The following PCDH11X variants were observed in gnomAD, a reference collection of about 807,000 sequenced individuals.
PCDH11X encodes the protein protocadherin 11 X-linked.
In PCDH11X, 18 loss-of-function variants were observed where a neutral mutation model predicts 53.3. That is an observed-to-expected ratio of 0.34 (90% CI 0.23 to 0.50). The LOEUF (loss-of-function observed/expected upper bound fraction) is 0.50, where lower values mean the gene tolerates loss of function less well. Ranked by LOEUF, PCDH11X falls within the 20% of genes least tolerant of loss-of-function variation. The pLI, the probability that PCDH11X is intolerant of heterozygous loss-of-function variation, is 0.98. For missense variants in PCDH11X, 570 were observed against 1,032.4 expected, an observed-to-expected ratio of 0.55 and a Z score of 6.14; for synonymous variants, 279 against 393.3, an observed-to-expected ratio of 0.71 and a Z score of 3.44.
chrX:92,535,492 A>C (rs2074641364), intron 10 of PCDH11X, among the ~76,000 whole-genome samples: 1 of 110,891 alleles, frequency 9.0e-6, no homozygotes, highest in Non-Finnish European at 1.9e-5. Context: ...AGACATATAG[A>C]GGGGAAAAAC....
intron 6 of PCDH11X, among the ~76,000 whole-genome samples, chrX:92,165,561 G>A (rs983354593): frequency 6.3e-5 from 7 of 111,707 alleles, no homozygotes; most frequent in Non-Finnish European, 1.3e-4. Context: ...GAGGTCGTTG[G>A]CTTTGTTGTA....
intron 8 of PCDH11X, among the ~76,000 whole-genome samples, chrX:92,328,531 A>C (rs1377379969): frequency 1.8e-5 from 2 of 110,759 alleles, no homozygotes; most frequent in Non-Finnish European, 3.8e-5. Context: ...TGAGAAAATT[A>C]ATAACATTGG....
intron 6 of PCDH11X, among the ~76,000 whole-genome samples, chrX:91,999,021 C>T (rs912252698): frequency 5.5e-5 from 6 of 110,056 alleles, no homozygotes; most frequent in Admixed American, 3.9e-4. Context: ...TCAAAGGATC[C>T]TCCCACCTCA....
At chrX:92,503,904 C>A (rs2074005237) in intron 10 of PCDH11X, among the ~76,000 whole-genome samples, 1 of 106,420 alleles carries the variant, frequency 9.4e-6, no homozygotes, top group Admixed American at 1.0e-4. Context: ...AAGAGTATGA[C>A]CATGAGGTGG....
chrX:92,462,043 A>T (rs1247120520), intron 9 of PCDH11X, among the ~76,000 whole-genome samples: 7 of 112,118 alleles, frequency 6.2e-5, no homozygotes, highest in Admixed American at 3.8e-4. Flanking sequence ...GCAAATTTTT[A>T]AATTAGTTTG....
intron 7 of PCDH11X, among the ~76,000 whole-genome samples, chrX:92,219,186 G>C (rs1436656260): frequency 9.0e-6 from 1 of 110,820 alleles, no homozygotes; most frequent in African/African-American, 3.3e-5. Flanking sequence ...AGTGTTGGAA[G>C]TTCTGGCTAG....
chrX:91,888,218 T>A (rs2147758349), intron 6 of PCDH11X, among the ~76,000 whole-genome samples: 1 of 112,201 alleles, frequency 8.9e-6, no homozygotes, highest in Admixed American at 9.5e-5. Flanking sequence ...ATTGACATAA[T>A]AATGAAAATG....
At chrX:91,967,631 G>T (rs772592293) in intron 6 of PCDH11X, among the ~76,000 whole-genome samples, 2 of 109,923 alleles carry the variant, frequency 1.8e-5, no homozygotes, top group East Asian at 5.8e-4. Context: ...GAGATAAGCA[G>T]AAATATTTCC....
At chrX:91,990,770 T>C (rs2062308939) in intron 6 of PCDH11X, among the ~76,000 whole-genome samples, 1 of 103,759 alleles carries the variant, frequency 9.6e-6, no homozygotes, top group Admixed American at 1.0e-4. Context: ...AGGCCTCTGC[T>C]GTTATCTGTT....
At chrX:92,341,526 C>T (rs2069758897) in intron 8 of PCDH11X, among the ~76,000 whole-genome samples, 1 of 111,412 alleles carries the variant, frequency 9.0e-6, no homozygotes, top group Admixed American at 9.6e-5. Context: ...ATCTGTTCAG[C>T]TTTTGGGGAG....
chrX:92,251,297 A>T (rs2067457225), intron 7 of PCDH11X, among the ~76,000 whole-genome samples: 1 of 111,027 alleles, frequency 9.0e-6, no homozygotes, highest in African/African-American at 3.3e-5. Flanking sequence ...CCAATTATGT[A>T]TAATTATATA....
intron 7 of PCDH11X, among the ~76,000 whole-genome samples, chrX:92,257,442 A>C (rs1330764353): frequency 9.0e-6 from 1 of 111,604 alleles, no homozygotes; most frequent in African/African-American, 3.3e-5. Context: ...CCAGTGTCTT[A>C]ATTCATTCCA....
At chrX:92,027,205 A>G (rs1383138463) in intron 6 of PCDH11X, among the ~76,000 whole-genome samples, 2 of 111,128 alleles carry the variant, frequency 1.8e-5, no homozygotes, top group African/African-American at 6.5e-5. Flanking sequence ...TGTCTCAATG[A>G]TAGTGTCATT....
intron 1 of PCDH11X, among the ~76,000 whole-genome samples, chrX:91,807,176 CAAAAAAAAA>C (rs1218341876): frequency 6.2e-5 from 2 of 32,306 alleles, no homozygotes; most frequent in African/African-American, 2.3e-4. Flanking sequence ...CTCATCTCTA[CAAAAAAAAA>C]AAAAAAAAAA....
At chrX:92,452,494 TATATG>T (rs1174947860) in intron 9 of PCDH11X, among the ~76,000 whole-genome samples, 6 of 48,380 alleles carry the variant, frequency 1.2e-4, no homozygotes, top group African/African-American at 8.9e-4. Flanking sequence ...TATATATATA[TATATG>T]TTTTTTTTTT....
At chrX:92,303,518 G>A (rs1375724260) in intron 8 of PCDH11X, among the ~76,000 whole-genome samples, 1 of 110,986 alleles carries the variant, frequency 9.0e-6, no homozygotes, top group Non-Finnish European at 1.9e-5. Context: ...GAACATTCTT[G>A]ACAGGAAGTA....
chrX:92,568,289 G>C (rs112180832), intron 10 of PCDH11X, among the ~76,000 whole-genome samples: 4 of 109,540 alleles, frequency 3.7e-5, no homozygotes, highest in African/African-American at 1.3e-4. Context: ...CGGCGTGGTG[G>C]CGGGCGCCTG....
chrX:92,091,858 AG>A (rs1217500381), intron 6 of PCDH11X, among the ~76,000 whole-genome samples: 2 of 111,419 alleles, frequency 1.8e-5, no homozygotes, highest in South Asian at 7.6e-4. Flanking sequence ...AAGACCTAAA[AG>A]AGTGCCTGGC....
At chrX:92,092,724 G>A (rs1252536916) in intron 6 of PCDH11X, among the ~76,000 whole-genome samples, 2 of 111,793 alleles carry the variant, frequency 1.8e-5, no homozygotes, top group Non-Finnish European at 3.8e-5. Flanking sequence ...ACAGGAGGCA[G>A]ATTTGCCCTA....
Sources: gnomAD v4.1 joint callset for allele counts (sites outside exome capture counted in the v4.1 genomes callset) on GRCh38, gnomAD v4.1.1 for gene constraint, MANE v1.5 for transcripts, NCBI Gene and HGNC (gene_info 2026-07-23, HGNC 2026-07-21) for gene names.